The following ADAM12 variants were observed in gnomAD, a reference collection of about 807,000 sequenced individuals.
The protein encoded by ADAM12 is disintegrin and metalloproteinase domain-containing protein 12.
Under a neutral mutation model 106.4 loss-of-function variants are expected in ADAM12, and 70 were observed. That is an observed-to-expected ratio of 0.66 (90% CI 0.54 to 0.80). The LOEUF (loss-of-function observed/expected upper bound fraction) is 0.80, where lower values mean the gene tolerates loss of function less well. Among genes scored for constraint, ADAM12 ranks in the 30% least tolerant of loss-of-function variants. The pLI is 0.00. For synonymous variants in ADAM12, 420 were observed against 433.5 expected (o/e 0.97, Z 0.39); for missense variants, 1,010 against 1,171.9 (o/e 0.86, Z 2.02).
chr10:126,366,400 C>T (rs1410315554), intron 1 of ADAM12, among the ~76,000 whole-genome samples: 1 of 151,986 alleles, frequency 6.6e-6, no homozygotes, highest in African/African-American at 2.4e-5. Context: ...GTTAAAGATA[C>T]ATATTCTAAT....
intron 21 of ADAM12, among the ~76,000 whole-genome samples, chr10:126,028,005 A>G (rs1953907883): frequency 6.6e-6 from 1 of 152,206 alleles, no homozygotes; most frequent in Non-Finnish European, 1.5e-5. Context: ...TCAGTATATA[A>G]AATCAATGTG....
chr10:126,039,196 C>T (rs1954114979), intron 19 of ADAM12, 98 bp downstream of exon 19: 3 of 1,446,100 alleles, frequency 2.1e-6, no homozygotes, highest in Non-Finnish European at 2.8e-6. Flanking sequence ...ATCCGCCCGC[C>T]TCAGCCTCCC....
intron 11 of ADAM12, among the ~76,000 whole-genome samples, chr10:126,089,159 C>T (rs190464252): frequency 4.9e-4 from 74 of 152,212 alleles, no homozygotes; most frequent in Non-Finnish European, 8.4e-4. Flanking sequence ...TTTCAGCATC[C>T]GTGTGACAAC....
rs112952725 is a variant in ADAM12 at position 126,267,610 on chromosome 10, C to T, written c.260+11305G>A. ...GAATCTAATGCCGCCACTGATCTGA[C>T]AGGGGGCGGAGCTCAGGCAGTAATC... On this transcript the variant is annotated intron_variant, in intron 3 of 22. Transcript: ENST00000448723. Among the ~76,000 whole-genome samples the T allele has an allele frequency of 6.0e-3, 919 of 152,216 alleles. 14 individuals are homozygous for T. The highest frequency in any genetic ancestry group is 0.021 in the African/African-American group (882 of 41,532).
chr10:126,172,639 T>C (rs899694137), intron 3 of ADAM12, among the ~76,000 whole-genome samples: 12 of 152,160 alleles, frequency 7.9e-5, no homozygotes, highest in African/African-American at 2.7e-4. Flanking sequence ...GAAATAGGAA[T>C]GCTTTTACAC....
chr10:126,036,661 C>CA (rs1954065986), intron 20 of ADAM12, among the ~76,000 whole-genome samples: 1 of 151,898 alleles, frequency 6.6e-6, no homozygotes, highest in Admixed American at 6.6e-5. Context: ...AGGGAAGTTA[C>CA]AAAAGAGATG....
intron 3 of ADAM12, among the ~76,000 whole-genome samples, chr10:126,179,668 T>C (rs1957278984): frequency 6.6e-6 from 1 of 152,186 alleles, no homozygotes; most frequent in Admixed American, 6.5e-5. Flanking sequence ...TGCCGATAAA[T>C]GCCAGGCTGG....
chr10:126,105,730 A>G (rs1300259298), intron 8 of ADAM12, among the ~76,000 whole-genome samples: 1 of 152,198 alleles, frequency 6.6e-6, no homozygotes, highest in African/African-American at 2.4e-5. Context: ...TCCAGTTCTA[A>G]CTGCCGTGCT....
intron 2 of ADAM12, among the ~76,000 whole-genome samples, chr10:126,327,948 C>T (rs1014524924): frequency 6.6e-6 from 1 of 152,162 alleles, no homozygotes; most frequent in African/African-American, 2.4e-5. Flanking sequence ...TTTCCATGCT[C>T]TAGACACACC....
chr10:126,035,517 T>TAA (rs527863350), intron 21 of ADAM12, among the ~76,000 whole-genome samples: 3 of 152,148 alleles, frequency 2.0e-5, no homozygotes, highest in Non-Finnish European at 4.4e-5. Flanking sequence ...TACACAATTA[T>TAA]AAACAAAAAA....
intron 1 of ADAM12, among the ~76,000 whole-genome samples, chr10:126,331,548 A>G (rs1854512155): frequency 6.6e-6 from 1 of 152,186 alleles, no homozygotes; most frequent in Non-Finnish European, 1.5e-5. Flanking sequence ...TTACCAAAGG[A>G]TTACTACTCC....
chr10:126,363,222 A>G (rs1027960944), intron 1 of ADAM12, among the ~76,000 whole-genome samples: 7 of 152,352 alleles, frequency 4.6e-5, no homozygotes, highest in African/African-American at 1.4e-4. Context: ...CAACTGGTTC[A>G]ATAAGAAATA....
intron 5 of ADAM12, among the ~76,000 whole-genome samples, chr10:126,128,147 T>G (rs1025344244): frequency 6.6e-6 from 1 of 152,106 alleles, no homozygotes; most frequent in African/African-American, 2.4e-5. Context: ...TTTTTACCTG[T>G]AAACCAAGGA....
At chr10:126,170,202 GT>G (rs1184693279) in intron 3 of ADAM12, among the ~76,000 whole-genome samples, 1 of 152,178 alleles carries the variant, frequency 6.6e-6, no homozygotes, top group Non-Finnish European at 1.5e-5. Context: ...CCCGTAGAAT[GT>G]GTGTTAGATC....
intron 3 of ADAM12, among the ~76,000 whole-genome samples, chr10:126,226,734 A>C (rs546647591): frequency 8.1e-4 from 123 of 152,338 alleles, no homozygotes; most frequent in African/African-American, 2.7e-3. Flanking sequence ...ATGTTCAGTA[A>C]TTGAGGACAG....
In ADAM12 at chr10:126,111,582, C is replaced by T. The variant is rs1473773619; in HGVS notation, c.604-1742G>A. On this transcript the variant is annotated intron_variant, in intron 6 of 22. Coordinates refer to ENST00000448723, the MANE Select transcript of ADAM12 (RefSeq NM_001288973.2). ...GAATCTGGTTGTTTAGACGTTTACA[C>T]TTTTCAGCCTGCAGAGGGGTGAAAT... Among the ~76,000 whole-genome samples the T allele has an allele frequency of 2.0e-5, 3 of 152,148 alleles. No homozygotes were observed. The East Asian group carries it at 5.8e-4, about 29-fold the overall frequency.
At chr10:126,203,854 C>T (rs1024348773) in intron 3 of ADAM12, among the ~76,000 whole-genome samples, 75 of 152,010 alleles carry the variant, frequency 4.9e-4, no homozygotes, top group African/African-American at 1.6e-3. Flanking sequence ...CTGTGATGGA[C>T]TTCACCCTCT....
At chr10:126,017,771 C>A (rs1953686835) in intron 22 of ADAM12, among the ~76,000 whole-genome samples, 1 of 152,018 alleles carries the variant, frequency 6.6e-6, no homozygotes, top group South Asian at 2.1e-4. Context: ...CCTAGCAGTC[C>A]CTGCATCCCA....
At chr10:126,124,907 A>AAAG (rs569743962) in intron 5 of ADAM12, among the ~76,000 whole-genome samples, 2,361 of 150,678 alleles carry the variant, frequency 0.016, 124 homozygotes, top group East Asian at 0.14. Context: ...AAAAAAAAAA[A>AAAG]AAAAGAAAAA....
Sources: allele counts gnomAD v4.1 joint callset (sites outside exome capture counted in the v4.1 genomes callset), GRCh38; gene constraint gnomAD v4.1.1; transcripts MANE v1.5; gene names NCBI Gene and HGNC (gene_info 2026-07-23, HGNC 2026-07-21).